The following AVIL variants were observed in gnomAD, a reference collection of about 807,000 sequenced individuals.
AVIL encodes the protein advillin.
Under a neutral mutation model 109.9 loss-of-function variants are expected in AVIL, and 78 were observed. The ratio of observed to expected loss-of-function variants is 0.71; its 90% CI spans 0.59 to 0.86. The LOEUF (loss-of-function observed/expected upper bound fraction) is 0.86. Among genes scored for constraint, AVIL ranks in the 40% least tolerant of loss-of-function variants. AVIL has a pLI of 0.00. For synonymous variants in AVIL, 367 were observed against 379.1 expected (o/e 0.97, Z 0.37); for missense variants, 892 against 1,016.5 (o/e 0.88, Z 1.67).
At position 57,816,917 on chromosome 12, in the gene AVIL, A is replaced by G. The variant is rs1221678459; in HGVS notation, c.-19-858T>C. On this transcript the variant is annotated intron_variant, in intron 1 of 19. Coordinates refer to ENST00000549994, the MANE Select transcript of AVIL (RefSeq NM_006576.4). ...CCTTTTTCCCTCCCACACAGACCCA[A>G]GCTTCTGTGTGGAAGCGTGAACCTC... Among the ~76,000 whole-genome samples the G allele has an allele frequency of 3.3e-5, 5 of 151,958 alleles. No individual in the cohort carries two copies. The South Asian group carries it at 1.0e-3, about 31-fold the overall frequency.
At position 57,803,378 on chromosome 12, in the gene AVIL, T is replaced by A; in HGVS notation, c.1831A>T (p.Ile611Phe). The stretch of plus-strand genomic sequence containing the variant: ...AAGAGACGAGACTGGACATCTAGGA[T>A]TTCCTGCTGAAGTCTGCAATATAGT... ...YANDKRLQQE[I>F]LDVQSRLFEC... The change falls in exon 16 of 20, where the codon ATC becomes TTC. Residue 611 changes from isoleucine to phenylalanine, a missense_variant. Transcript: ENST00000549994. 6.2e-7 allele frequency: 1 copy of A among 1,614,180 alleles called. No individual in the cohort carries two copies. Among genetic ancestry groups the A allele is most frequent in the Non-Finnish European group, 8.5e-7 (1 of 1,180,036 alleles).
intron 6 of AVIL, 68 bp from the exon 7 acceptor site, chr12:57,810,619 G>T: frequency 6.4e-7 from 1 of 1,559,236 alleles, no homozygotes; most frequent in South Asian, 1.1e-5. Flanking sequence ...TCTTTGGGGA[G>T]AACAGCCTAG....
intron 9 of AVIL, 182 bp from the exon 10 acceptor site, chr12:57,808,730 AGT>A: frequency 1.5e-6 from 1 of 671,944 alleles, no homozygotes; most frequent in Non-Finnish European, 2.4e-6. Flanking sequence ...AAAATGACTG[AGT>A]GGAACATTTT....
chr12:57,807,749 G>A (rs973613249), intron 11 of AVIL, 22 bp from the exon 12 acceptor site: 10 of 1,613,688 alleles, frequency 6.2e-6, no homozygotes, highest in South Asian at 3.3e-5. Context: ...AGGAGACACC[G>A]TTTTCCAGAG....
chr12:57,810,616 G>T, intron 6 of AVIL, 65 bp from the exon 7 acceptor site: 1 of 1,575,582 alleles, frequency 6.3e-7, no homozygotes, highest in Non-Finnish European at 8.7e-7. Flanking sequence ...ATGTCTTTGG[G>T]GAGAACAGCC....
intron 1 of AVIL, among the ~76,000 whole-genome samples, chr12:57,816,625 T>C (rs554522404): frequency 6.6e-6 from 1 of 151,888 alleles, no homozygotes; most frequent in East Asian, 1.9e-4. Context: ...CTCACTCTCA[T>C]TCCAATTCTT....
intron 16 of AVIL, 151 bp from the exon 17 acceptor site, chr12:57,802,499 G>A: frequency 1.1e-6 from 1 of 928,606 alleles, no homozygotes; most frequent in East Asian, 2.6e-5. Flanking sequence ...GCAGAGAAAG[G>A]TTTTCCCAGA....
At chr12:57,806,731 T>C (rs1472938804) in intron 13 of AVIL, among the ~76,000 whole-genome samples, 192 bp from the exon 14 acceptor site, 1 of 152,232 alleles carries the variant, frequency 6.6e-6, no homozygotes, top group East Asian at 1.9e-4. Flanking sequence ...GAGAACTTTA[T>C]CATATTCCAG....
chr12:57,811,019 C>A lies in AVIL; in HGVS notation c.447G>T (p.Glu149Asp). ...GGGGCAGAGAGTGTGCAGGACTAAC[C>A]TCGGTAGCCCTGATGTTTCTTTTCC... ...VKGKRNIRAT[E>D]VEMSWDSFNR... The change falls in exon 5 of 20, where the codon GAG (glutamate) becomes GAT (aspartate). Residue 149 changes from glutamate to aspartate, a missense_variant and splice_region_variant. By Grantham distance (45) the Glu-to-Asp change is conservative. Coordinates refer to ENST00000549994, the MANE Select transcript of AVIL (RefSeq NM_006576.4). The A allele has an allele frequency of 6.2e-7, 1 of 1,614,162 alleles. No individual in the cohort carries two copies. Among genetic ancestry groups the A allele is most frequent in the Non-Finnish European group, 8.5e-7 (1 of 1,180,014 alleles).
intron 18 of AVIL, among the ~76,000 whole-genome samples, chr12:57,800,919 G>A (rs1955834498): frequency 2.0e-5 from 3 of 152,110 alleles, no homozygotes; most frequent in Admixed American, 2.0e-4. Context: ...CATTTTTGTT[G>A]TTTTTACACA....
chr12:57,805,470 T>A (rs528414654), intron 14 of AVIL, among the ~76,000 whole-genome samples: 23 of 152,326 alleles, frequency 1.5e-4, no homozygotes, highest in African/African-American at 5.5e-4. Context: ...AAGATTGACT[T>A]ATCCAGCCTC....
rs1955978223 is a variant in AVIL, at chr12:57,808,058, C to CCTTT, written c.1194+135_1194+136insAAAG. ...GAAAACTCTACAGACTCACAAGACT[C>CCTTT]TTAAAGAAGACTCCTGAGGTGCCGG... On this transcript the variant is annotated intron_variant, in intron 11 of 19. Transcript: ENST00000549994. 3 of 1,046,294 alleles carry CCTTT rather than the reference C, an allele frequency of 2.9e-6. No homozygotes were observed. The South Asian group carries it at 4.0e-5, about 14-fold the overall frequency. 64.8% of individuals were successfully genotyped at this position (1,046,294 alleles called of 1,614,324 possible). A position where few individuals can be genotyped will look rare whatever the true frequency, so the allele number is the denominator to read the frequency against.
rs1956007142 is a variant in AVIL, at chr12:57,809,618, C to G, written c.918G>C (p.Gln306His). ...CTACCAGCGCTTTAGACATGGCTGC[C>G]TGTTTTTCAGCCTTTGTGGCTCCTT... ...KGKGATKAEK[Q>H]AAMSKALGFI... Residue 306 changes from glutamine (Q) to histidine (H), a missense_variant, in exon 9 of 20, where the codon CAG becomes CAC. Transcript: ENST00000549994. The G allele has an allele frequency of 3.1e-6, 5 of 1,614,138 alleles. No homozygotes were observed. Among genetic ancestry groups the G allele is most frequent in the Non-Finnish European group, 3.4e-6 (4 of 1,180,064 alleles).
intron 19 of AVIL, among the ~76,000 whole-genome samples, 187 bp from the exon 20 acceptor site, chr12:57,798,182 C>T (rs1044419768): frequency 3.9e-5 from 6 of 152,164 alleles, no homozygotes; most frequent in African/African-American, 1.4e-4. Context: ...GTCAGGGAGT[C>T]CCATTTTGGC....
At chr12:57,818,190 T>C (rs966240049) in intron 1 of AVIL, among the ~76,000 whole-genome samples, 7 of 112,116 alleles carry the variant, frequency 6.2e-5, no homozygotes, top group African/African-American at 2.5e-4. Flanking sequence ...GGCTTTTTTT[T>C]TTTTTTTTTT....
chr12:57,803,480 C>T, intron 15 of AVIL, 44 bp downstream of exon 15: 1 of 1,613,644 alleles, frequency 6.2e-7, no homozygotes, highest in Non-Finnish European at 8.5e-7. Flanking sequence ...ACAAGCCTGG[C>T]AGGCAGGGGG....
At chr12:57,800,085 C>G in intron 18 of AVIL, 165 bp from the exon 19 acceptor site, 7 of 918,432 alleles carry the variant, frequency 7.6e-6, no homozygotes, top group Non-Finnish European at 9.6e-6. Flanking sequence ...TCAGAATCAT[C>G]TGGGAATAGA....
chr12:57,798,374 C>T (rs1183250363), intron 19 of AVIL, among the ~76,000 whole-genome samples: 1 of 152,018 alleles, frequency 6.6e-6, no homozygotes, highest in African/African-American at 2.4e-5. Context: ...CCATTTTTAC[C>T]CATAAATTTT....
intron 2 of AVIL, 199 bp from the exon 3 acceptor site, chr12:57,814,425 C>T: frequency 3.5e-6 from 2 of 575,750 alleles, no homozygotes; most frequent in South Asian, 2.0e-5. Flanking sequence ...CTGCTTGCAT[C>T]ACCCCGGATC....
Sources: allele counts gnomAD v4.1 joint callset (sites outside exome capture counted in the v4.1 genomes callset), GRCh38; gene constraint gnomAD v4.1.1; transcripts MANE v1.5; gene names NCBI Gene and HGNC (gene_info 2026-07-23, HGNC 2026-07-21).